IGF1R: variants seen among roughly 807,000 people sequenced by gnomAD.
The protein encoded by IGF1R is insulin like growth factor 1 receptor.
In IGF1R, 44 loss-of-function variants were observed where a neutral mutation model predicts 144.6. The observed-to-expected ratio is 0.30, with a 90% CI of 0.24 to 0.39. The LOEUF (loss-of-function observed/expected upper bound fraction) is 0.39, where lower values mean the gene tolerates loss of function less well. Among genes scored for constraint, IGF1R ranks in the 10% least tolerant of loss-of-function variants. IGF1R has a pLI of 1.00. For missense variants in IGF1R, 1,355 were observed against 1,833.7 expected (o/e 0.74, Z 4.77); for synonymous variants, 795 against 722.8 (o/e 1.10, Z -1.60).
At chr15:98,710,443 G>A (rs986543909) in intron 2 of IGF1R, among the ~76,000 whole-genome samples, 1 of 152,096 alleles carries the variant, frequency 6.6e-6, no homozygotes, top group Admixed American at 6.5e-5. Context: ...CGCTTATTGA[G>A]TAAGCCACGT....
intron 2 of IGF1R, among the ~76,000 whole-genome samples, chr15:98,763,110 A>T (rs1300412418): frequency 6.6e-6 from 1 of 152,154 alleles, no homozygotes; most frequent in Non-Finnish European, 1.5e-5. Context: ...TGTTACAGAG[A>T]TCACATGTAC....
chr15:98,700,998 A>T (rs1395760093), intron 1 of IGF1R, among the ~76,000 whole-genome samples: 1 of 152,100 alleles, frequency 6.6e-6, no homozygotes, highest in African/African-American at 2.4e-5. Context: ...TGATACACTA[A>T]TCCTCTCCTA....
At chr15:98,914,635 ATTCACTGTAGTGT>A (rs1446530190) in intron 8 of IGF1R, among the ~76,000 whole-genome samples, 3 of 152,138 alleles carry the variant, frequency 2.0e-5, no homozygotes, top group African/African-American at 7.2e-5. Flanking sequence ...CTGGCCAGCA[ATTCACTGTAGTGT>A]TTGGGAAACA....
intron 2 of IGF1R, among the ~76,000 whole-genome samples, chr15:98,804,131 G>C (rs2056422057): frequency 6.6e-6 from 1 of 152,140 alleles, no homozygotes; most frequent in Admixed American, 6.5e-5. Flanking sequence ...CCTCATGACT[G>C]TATTTCTATT....
At chr15:98,669,886 G>T (rs1373682774) in intron 1 of IGF1R, among the ~76,000 whole-genome samples, 2 of 152,212 alleles carry the variant, frequency 1.3e-5, no homozygotes, top group Non-Finnish European at 2.9e-5. Flanking sequence ...GCACTGATAA[G>T]AGCATGGGCT....
intron 2 of IGF1R, among the ~76,000 whole-genome samples, chr15:98,740,416 G>A (rs889569267): frequency 2.0e-5 from 3 of 152,156 alleles, no homozygotes; most frequent in Non-Finnish European, 2.9e-5. Flanking sequence ...TTTTAAGAAG[G>A]CAAAACAATA....
intron 1 of IGF1R, among the ~76,000 whole-genome samples, chr15:98,675,909 T>TC (rs1394047626): frequency 7.3e-6 from 1 of 137,722 alleles, no homozygotes. Flanking sequence ...CAAAGCAGCC[T>TC]CCCCCTCCCC....
chr15:98,667,753 G>A (rs549521482), intron 1 of IGF1R, among the ~76,000 whole-genome samples: 8 of 152,140 alleles, frequency 5.3e-5, no homozygotes, highest in Admixed American at 5.2e-4. Flanking sequence ...ATGGGAGGAA[G>A]CCTGCTGCGG....
At chr15:98,771,879 C>T (rs918451554) in intron 2 of IGF1R, among the ~76,000 whole-genome samples, 21 of 151,998 alleles carry the variant, frequency 1.4e-4, no homozygotes, top group African/African-American at 4.8e-4. Context: ...GTTTCCTTCC[C>T]TCCCTCCTTC....
At chr15:98,777,328 G>C (rs2055744815) in intron 2 of IGF1R, among the ~76,000 whole-genome samples, 1 of 152,232 alleles carries the variant, frequency 6.6e-6, no homozygotes, top group Non-Finnish European at 1.5e-5. Flanking sequence ...ACTTGCCAAG[G>C]TTAAAGTTGA....
chr15:98,822,560 C>A (rs1008161433), intron 2 of IGF1R, among the ~76,000 whole-genome samples: 1 of 152,334 alleles, frequency 6.6e-6, no homozygotes, highest in South Asian at 2.1e-4. Flanking sequence ...GTGAGCCCCT[C>A]GGCTTCTGGT....
chr15:98,709,513 T>C (rs1439020902), intron 2 of IGF1R, among the ~76,000 whole-genome samples: 1 of 152,194 alleles, frequency 6.6e-6, no homozygotes, highest in East Asian at 1.9e-4. Context: ...ACTTGTGTGG[T>C]TGATTAAAAC....
chr15:98,759,368 C>T (rs1188150038), intron 2 of IGF1R, among the ~76,000 whole-genome samples: 2 of 152,162 alleles, frequency 1.3e-5, no homozygotes, highest in African/African-American at 4.8e-5. Flanking sequence ...TAATAACAGT[C>T]CTGTCTTTGG....
intron 2 of IGF1R, among the ~76,000 whole-genome samples, chr15:98,862,622 A>G (rs1373722248): frequency 1.3e-5 from 2 of 152,088 alleles, no homozygotes; most frequent in Non-Finnish European, 2.9e-5. Context: ...GCTTTTAGTA[A>G]CTCTGGTTCA....
intron 1 of IGF1R, among the ~76,000 whole-genome samples, chr15:98,673,121 A>C (rs551034819): frequency 6.6e-6 from 1 of 152,044 alleles, no homozygotes; most frequent in Non-Finnish European, 1.5e-5. Flanking sequence ...CAACCTCCCA[A>C]GTAGTTGGGC....
intron 2 of IGF1R, among the ~76,000 whole-genome samples, chr15:98,783,291 G>A (rs368073428): frequency 1.3e-5 from 2 of 152,000 alleles, no homozygotes; most frequent in Non-Finnish European, 2.9e-5. Flanking sequence ...CACCACAAAG[G>A]TACACCTACT....
In IGF1R at chr15:98,960,162, CGCCACAGG is replaced by C; in HGVS notation, c.*2721_*2728del. ...CCGTTGATACTGGTAACCTCATCCA[CGCCACAGG>C]CGCCACACCCAGGTGATGCAGGGGG... On this transcript the variant is annotated 3_prime_UTR_variant, in exon 21 of 21. Transcript: ENST00000650285. 4.3e-6 allele frequency: 1 copy of C among 233,710 alleles called. No homozygotes were observed. Among genetic ancestry groups the C allele is most frequent in the East Asian group, 6.0e-5 (1 of 16,590 alleles). The allele number at this position is 233,710 out of a possible 1,614,324, so 14.5% of individuals were successfully genotyped here.
At chr15:98,731,695 C>T (rs375190899) in intron 2 of IGF1R, among the ~76,000 whole-genome samples, 7 of 152,294 alleles carry the variant, frequency 4.6e-5, no homozygotes, top group Non-Finnish European at 7.3e-5. Context: ...GCCCCCTTCA[C>T]GCTACTGAAC....
At chr15:98,690,210 G>A (rs1243184106) in intron 1 of IGF1R, among the ~76,000 whole-genome samples, 1 of 152,150 alleles carries the variant, frequency 6.6e-6, no homozygotes, top group Non-Finnish European at 1.5e-5. Flanking sequence ...AAGCATGGTG[G>A]TGTGCACCTG....
Sources: gnomAD v4.1 joint callset for allele counts (sites outside exome capture counted in the v4.1 genomes callset) on GRCh38, gnomAD v4.1.1 for gene constraint, MANE v1.5 for transcripts, NCBI Gene and HGNC (gene_info 2026-07-23, HGNC 2026-07-21) for gene names.